CNKSR2: variants seen among roughly 807,000 people sequenced by gnomAD.
The protein encoded by CNKSR2 is CNK homolog protein 2.
Under a neutral mutation model 84.4 loss-of-function variants are expected in CNKSR2, and 14 were observed. The ratio of observed to expected loss-of-function variants is 0.17; its 90% CI spans 0.11 to 0.26. The LOEUF is 0.26. Among genes scored for constraint, CNKSR2 ranks in the 10% least tolerant of loss-of-function variants. The probability of loss-of-function intolerance (pLI) is 1.00; values close to 1 mark genes in which losing one functional copy is unlikely to be tolerated. For synonymous variants in CNKSR2, 275 were observed against 277.9 expected (o/e 0.99, Z 0.10); for missense variants, 485 against 771.2 (o/e 0.63, Z 4.40).
intron 13 of CNKSR2, among the ~76,000 whole-genome samples, chrX:21,573,898 A>G (rs1421933886): frequency 8.9e-6 from 1 of 111,779 alleles, no homozygotes; most frequent in Non-Finnish European, 1.9e-5. Context: ...TCCCCAGAAA[A>G]TGGGTTTTTC....
chrX:21,447,259 A>G (rs1216680675), intron 4 of CNKSR2, among the ~76,000 whole-genome samples: 1 of 111,524 alleles, frequency 9.0e-6, no homozygotes, highest in Non-Finnish European at 1.9e-5. Context: ...TATCATGGAC[A>G]TTTGGGTATA....
chrX:21,608,362 G>A (rs916433584), intron 19 of CNKSR2, among the ~76,000 whole-genome samples: 7 of 111,697 alleles, frequency 6.3e-5, no homozygotes, highest in Admixed American at 4.8e-4. Context: ...GTGTTCACTT[G>A]ATGCCAGTCC....
chrX:21,452,282 C>T (rs191845887), intron 4 of CNKSR2, among the ~76,000 whole-genome samples: 4 of 110,688 alleles, frequency 3.6e-5, no homozygotes, highest in East Asian at 5.7e-4. Flanking sequence ...TTAGTAGAGA[C>T]GGAGTTTCAC....
Position 21,497,850 on chromosome X carries a change from A to G in CNKSR2, c.741+4A>G. ...AATTACTGGAACCACAGAAAATGTA[A>G]GTATTCTAACCTTTCAAATTTTTAA... is the stretch of plus-strand genomic sequence containing the variant. On this transcript the variant is annotated splice_donor_region_variant and intron_variant, in intron 7 of 21. Transcript: ENST00000379510. 1.2e-6 allele frequency: 1 copy of G among 852,204 alleles called. No individual in the cohort carries two copies. Among genetic ancestry groups the G allele is most frequent in the Non-Finnish European group, 1.8e-6 (1 of 568,507 alleles). 70.2% of individuals were successfully genotyped at this position (852,204 alleles called of 1,213,427 possible).
chrX:21,551,406 G>T (rs2092090800), intron 11 of CNKSR2, among the ~76,000 whole-genome samples: 2 of 111,939 alleles, frequency 1.8e-5, no homozygotes, highest in South Asian at 7.5e-4. Flanking sequence ...AAAGTTCGGT[G>T]GTATTCATAT....
At chrX:21,496,884 C>T (rs1332695066) in intron 6 of CNKSR2, among the ~76,000 whole-genome samples, 1 of 110,511 alleles carries the variant, frequency 9.0e-6, no homozygotes, top group Non-Finnish European at 1.9e-5. Flanking sequence ...GGTAGTTTTT[C>T]CCCGAAAATA....
At chrX:21,571,548 T>C (rs2092284003) in intron 13 of CNKSR2, among the ~76,000 whole-genome samples, 1 of 112,055 alleles carries the variant, frequency 8.9e-6, no homozygotes, top group African/African-American at 3.2e-5. Context: ...ATGAGGTTGA[T>C]ATCATTATTT....
intron 1 of CNKSR2, among the ~76,000 whole-genome samples, chrX:21,418,821 G>A (rs1040063067): frequency 3.6e-5 from 4 of 111,144 alleles, no homozygotes; most frequent in African/African-American, 3.3e-5. Context: ...TTCAGCTCCA[G>A]TATTTCTGCT....
intron 20 of CNKSR2, among the ~76,000 whole-genome samples, chrX:21,617,927 A>C (rs1218441059): frequency 1.2e-4 from 9 of 73,687 alleles, no homozygotes; most frequent in African/African-American, 4.9e-4. Flanking sequence ...CCACACACAC[A>C]CCCCGACTCA....
intron 4 of CNKSR2, among the ~76,000 whole-genome samples, chrX:21,448,914 T>C (rs940147285): frequency 8.9e-6 from 1 of 111,824 alleles, no homozygotes; most frequent in Non-Finnish European, 1.9e-5. Flanking sequence ...ATTGAAATTG[T>C]AAATGACAGC....
At chrX:21,637,068 T>C (rs2092675544) in intron 20 of CNKSR2, among the ~76,000 whole-genome samples, 1 of 111,770 alleles carries the variant, frequency 8.9e-6, no homozygotes, top group African/African-American at 3.2e-5. Context: ...CGTAAAAACT[T>C]CACTCAAAGG....
chrX:21,525,050 G>A (rs190257433), intron 9 of CNKSR2, among the ~76,000 whole-genome samples: 2 of 111,189 alleles, frequency 1.8e-5, no homozygotes, highest in African/African-American at 6.5e-5. Flanking sequence ...AGCATCGTCT[G>A]TATTTAAAAC....
intron 1 of CNKSR2, among the ~76,000 whole-genome samples, chrX:21,388,738 A>G (rs1174758833): frequency 9.0e-6 from 1 of 111,601 alleles, no homozygotes. Flanking sequence ...ATTACAAATC[A>G]TTTATATACA....
At chrX:21,429,133 A>G (rs768178412) in intron 2 of CNKSR2, 2 of 112,125 alleles carry the variant, frequency 1.8e-5, no homozygotes, top group African/African-American at 6.5e-5. Flanking sequence ...TTGCATGCAT[A>G]TGATTGAAAG....
intron 13 of CNKSR2, among the ~76,000 whole-genome samples, chrX:21,578,295 C>A (rs917659100): frequency 1.8e-5 from 2 of 111,380 alleles, no homozygotes; most frequent in African/African-American, 6.5e-5. Flanking sequence ...AAGTTGTCTT[C>A]CCATGGTTTC....
intron 11 of CNKSR2, among the ~76,000 whole-genome samples, chrX:21,546,503 C>G (rs1217469216): frequency 9.0e-6 from 1 of 110,936 alleles, no homozygotes; most frequent in East Asian, 2.9e-4. Context: ...GGAAAACACT[C>G]TTCAGGATAT....
At chrX:21,603,602 A>G (rs1399554526) in intron 18 of CNKSR2, among the ~76,000 whole-genome samples, 2 of 112,576 alleles carry the variant, frequency 1.8e-5, no homozygotes, top group East Asian at 2.8e-4. Flanking sequence ...TTACAGAAGT[A>G]TAAAAGATGT....
intron 1 of CNKSR2, among the ~76,000 whole-genome samples, chrX:21,404,314 C>T (rs1451566352): frequency 2.7e-5 from 3 of 110,871 alleles, no homozygotes; most frequent in Non-Finnish European, 5.7e-5. Context: ...TTTAACAGGA[C>T]GATATTTAAA....
intron 14 of CNKSR2, 82 bp from the exon 15 acceptor site, chrX:21,590,939 CT>C: frequency 1.2e-6 from 1 of 832,772 alleles, no homozygotes; most frequent in African/African-American, 2.0e-5. Flanking sequence ...TTTTCAAGAA[CT>C]CATACTTCTT....
Sources: gnomAD v4.1 joint callset for allele counts (sites outside exome capture counted in the v4.1 genomes callset) on GRCh38, gnomAD v4.1.1 for gene constraint, MANE v1.5 for transcripts, NCBI Gene and HGNC (gene_info 2026-07-23, HGNC 2026-07-21) for gene names.